LVRN: variants seen among roughly 807,000 people sequenced by gnomAD.
LVRN encodes laeverin.
Under a neutral mutation model 111.4 loss-of-function variants are expected in LVRN, and 99 were observed. The ratio of observed to expected loss-of-function variants is 0.89; its 90% CI spans 0.76 to 1.05. LVRN has a LOEUF of 1.05. LVRN is among the 50% of genes least tolerant of loss of function. The probability of loss-of-function intolerance (pLI) is 0.00; values close to 1 mark genes in which losing one functional copy is unlikely to be tolerated. For synonymous variants in LVRN, 488 were observed against 449.5 expected, an observed-to-expected ratio of 1.09 and a Z score of -1.08; for missense variants, 1,414 against 1,206.8, an observed-to-expected ratio of 1.17 and a Z score of -2.54.
At chr5:116,008,985 C>T (rs1367945219) in intron 13 of LVRN, among the ~76,000 whole-genome samples, 1 of 152,196 alleles carries the variant, frequency 6.6e-6, no homozygotes, top group South Asian at 2.1e-4. Flanking sequence ...AGAAGATGCC[C>T]TCTAGGCCTT....
intron 19 of LVRN, among the ~76,000 whole-genome samples, chr5:116,024,828 A>G (rs1166744421): frequency 6.6e-6 from 1 of 152,218 alleles, no homozygotes; most frequent in Non-Finnish European, 1.5e-5. Context: ...ATCCTTGTCA[A>G]CAACATCTTA....
chr5:115,963,149 G>A lies in LVRN; in HGVS notation c.532G>A (p.Asp178Asn). Residue 178 changes from aspartate (D) to asparagine (N), a missense_variant, in exon 1 of 20, where the codon GAC (aspartate) becomes AAC (asparagine). Physicochemically the swap from Asp to Asn is conservative, Grantham distance 23. Coordinates refer to ENST00000357872, the MANE Select transcript of LVRN (RefSeq NM_173800.5). The part of the protein sequence containing the change: ...NATVGRVPVD[D>N]VWFALDTEYM... The stretch of plus-strand genomic sequence containing the variant: ...CACAGTGGGCCGCGTGCCCGTGGAC[G>A]ACGTGTGGTTCGCGCTGGACACGGA... 1 of 1,613,302 alleles carries A rather than the reference G, an allele frequency of 6.2e-7. No homozygotes were observed. Among genetic ancestry groups the A allele is most frequent in the South Asian group, 1.1e-5 (1 of 91,050 alleles).
chr5:115,983,236 C>T, intron 1 of LVRN, 51 bp from the exon 2 acceptor site: 2 of 1,471,068 alleles, frequency 1.4e-6, no homozygotes, highest in Non-Finnish European at 1.8e-6. Context: ...TTTTTTTATT[C>T]CACTGGGTTG....
chr5:116,010,564 G>T, intron 13 of LVRN, 177 bp from the exon 14 acceptor site: 1 of 696,256 alleles, frequency 1.4e-6, no homozygotes, highest in Non-Finnish European at 2.5e-6. Context: ...TGGAAGGACT[G>T]TCAACTTTGC....
chr5:115,988,863 G>A (rs1455039793), intron 4 of LVRN, among the ~76,000 whole-genome samples: 1 of 152,134 alleles, frequency 6.6e-6, no homozygotes, highest in Non-Finnish European at 1.5e-5. Context: ...CATTTCTGGG[G>A]CTGGAGGCTC....
At chr5:116,024,937 C>T (rs914450209) in intron 19 of LVRN, among the ~76,000 whole-genome samples, 1 of 152,156 alleles carries the variant, frequency 6.6e-6, no homozygotes, top group Non-Finnish European at 1.5e-5. Flanking sequence ...TCTCCCTCGT[C>T]CCTCTCCAAA....
chr5:116,010,654 C>T, intron 13 of LVRN, 87 bp from the exon 14 acceptor site: 1 of 1,329,404 alleles, frequency 7.5e-7, no homozygotes, highest in Non-Finnish European at 1.1e-6. Flanking sequence ...TGAAGTCATG[C>T]ATTGAAACAT....
At chr5:115,981,013 C>T (rs919598567) in intron 1 of LVRN, among the ~76,000 whole-genome samples, 1 of 152,136 alleles carries the variant, frequency 6.6e-6, no homozygotes, top group African/African-American at 2.4e-5. Context: ...GTATATTAAG[C>T]AACTTTCCCA....
chr5:115,988,639 T>G (rs998715946), intron 4 of LVRN, among the ~76,000 whole-genome samples: 1 of 152,178 alleles, frequency 6.6e-6, no homozygotes, highest in African/African-American at 2.4e-5. Flanking sequence ...TACTGGCAGA[T>G]AGTGGAAGAA....
rs1444304359 is a variant in LVRN, at chr5:115,983,328, A to C, written c.737A>C (p.Tyr246Ser). ...ASQLEPTFAR[Y>S]VFPCFDEPAL... ...CAGCTGGAACCAACATTTGCCAGGT[A>C]TGTTTTCCCTTGTTTTGATGAGCCA... Residue 246 changes from tyrosine to serine, a missense_variant, in exon 2 of 20, where the codon TAT (tyrosine) becomes TCT (serine). Coordinates refer to ENST00000357872, the MANE Select transcript of LVRN (RefSeq NM_173800.5). 1 of 1,610,110 alleles carries C rather than the reference A, an allele frequency of 6.2e-7. No individual in the cohort carries two copies. Among genetic ancestry groups the C allele is most frequent in the South Asian group, 1.1e-5 (1 of 90,160 alleles).
At chr5:115,976,293 T>C (rs1753448358) in intron 1 of LVRN, 1 of 152,264 alleles carries the variant, frequency 6.6e-6, no homozygotes, top group African/African-American at 2.4e-5. Flanking sequence ...TTTGGTTAGA[T>C]GAGAGTAAGT....
intron 6 of LVRN, among the ~76,000 whole-genome samples, chr5:115,996,672 C>T (rs1748120666): frequency 6.6e-6 from 1 of 152,154 alleles, no homozygotes; most frequent in Non-Finnish European, 1.5e-5. Flanking sequence ...GGGGTCAGAA[C>T]ATTAGGGACG....
intron 18 of LVRN, among the ~76,000 whole-genome samples, chr5:116,017,996 C>T (rs577387542): frequency 1.3e-5 from 2 of 152,246 alleles, no homozygotes; most frequent in Non-Finnish European, 2.9e-5. Context: ...CATGGTGGCT[C>T]GTGCCTGTAA....
chr5:116,011,603 G>A (rs966020344), intron 14 of LVRN, among the ~76,000 whole-genome samples: 1 of 152,130 alleles, frequency 6.6e-6, no homozygotes, highest in Non-Finnish European at 1.5e-5. Context: ...ACCATTCAGA[G>A]GGTGAGATCA....
rs572060774 is a variant in LVRN at position 115,990,850 on chromosome 5, G to A, written c.1106-1273G>A. Among the ~76,000 whole-genome samples the A allele has an allele frequency of 9.9e-5, 15 of 152,212 alleles. No homozygotes were observed. The East Asian group carries it at 1.7e-3, about 18-fold the overall frequency. ...CCCTCCCAAAGTGCTGAGATTACGC[G>A]CATAAGCCACCATGCCTGGCTAAAA... On this transcript the variant is annotated intron_variant, in intron 4 of 19. Transcript: ENST00000357872.
intron 4 of LVRN, among the ~76,000 whole-genome samples, chr5:115,989,755 T>C (rs1337487151): frequency 6.6e-6 from 1 of 152,182 alleles, no homozygotes; most frequent in Non-Finnish European, 1.5e-5. Flanking sequence ...GCATCTCAAC[T>C]GATGTTACCC....
chr5:115,986,953 T>A (rs536752156), intron 3 of LVRN, among the ~76,000 whole-genome samples: 1 of 152,324 alleles, frequency 6.6e-6, no homozygotes, highest in African/African-American at 2.4e-5. Flanking sequence ...TTATCTCACT[T>A]GGTAACTTTC....
At position 115,966,119 on chromosome 5, in the gene LVRN, A is replaced by G. The variant is rs554851037; in HGVS notation, c.695+2807A>G. Among the ~76,000 whole-genome samples the G allele has an allele frequency of 2.0e-5, 3 of 152,302 alleles. No individual in the cohort carries two copies. The East Asian group carries it at 5.8e-4, about 29-fold the overall frequency. ...CTATGCATATATATGTCTTTGTGTC[A>G]TTTATCATATGCGTACATTTGCGCA... On this transcript the variant is annotated intron_variant, in intron 1 of 19. Transcript: ENST00000357872.
Position 115,999,849 on chromosome 5 carries a change from A to G in LVRN, c.1462A>G (p.Asn488Asp), listed in dbSNP as rs750272090. 1.6e-5 allele frequency: 26 copies of G among 1,613,768 alleles called. No homozygotes were observed. The African/African-American group carries it at 1.9e-4, about 12-fold the overall frequency. The change falls in exon 7 of 20, where the codon AAT (asparagine) becomes GAT (aspartate). Residue 488 changes from asparagine (N) to aspartate (D), a missense_variant. Coordinates refer to ENST00000357872, the MANE Select transcript of LVRN (RefSeq NM_173800.5). Reference protein sequence around the residue: ...VTRAVAMKVENFKTSEIQELF... With the variant: ...VTRAVAMKVEDFKTSEIQELF... ...TAGAGCTGTGGCCATGAAGGTGGAA[A>G]ATTTCAAAACAAGTGAAATACAGGA...
Sources: gnomAD v4.1 joint callset for allele counts (sites outside exome capture counted in the v4.1 genomes callset) on GRCh38, gnomAD v4.1.1 for gene constraint, MANE v1.5 for transcripts, NCBI Gene and HGNC (gene_info 2026-07-23, HGNC 2026-07-21) for gene names.